SLC9A9: variants seen among roughly 807,000 people sequenced by gnomAD.
SLC9A9 encodes sodium/hydrogen exchanger 9.
In SLC9A9, 62 loss-of-function variants were observed where a neutral mutation model predicts 77.8. The observed-to-expected ratio is 0.80, with a 90% confidence interval of 0.65 to 0.98. SLC9A9 has a LOEUF of 0.98. Among genes scored for constraint, SLC9A9 ranks in the 50% least tolerant of loss-of-function variants. SLC9A9 has a pLI of 0.00. For synonymous variants in SLC9A9, 320 were observed against 283.5 expected, an observed-to-expected ratio of 1.13 and a Z score of -1.29; for missense variants, 775 against 774.9, an observed-to-expected ratio of 1.00 and a Z score of 0.00.
At chr3:143,510,781 T>G (rs2036103510) in intron 9 of SLC9A9, among the ~76,000 whole-genome samples, 1 of 152,188 alleles carries the variant, frequency 6.6e-6, no homozygotes, top group African/African-American at 2.4e-5. Context: ...TGTTTTGGCC[T>G]GTGAGTCACA....
chr3:143,587,564 C>T (rs1021192525), intron 6 of SLC9A9, among the ~76,000 whole-genome samples: 1 of 150,646 alleles, frequency 6.6e-6, no homozygotes, highest in Non-Finnish European at 1.5e-5. Flanking sequence ...TGGTGGGAGT[C>T]AGGCTGGAGT....
At chr3:143,512,747 G>C (rs1213584255) in intron 9 of SLC9A9, among the ~76,000 whole-genome samples, 1 of 152,212 alleles carries the variant, frequency 6.6e-6, no homozygotes. Context: ...GTGGTGGTGG[G>C]TGCCTGTAAG....
At chr3:143,770,040 CA>C (rs1406302080) in intron 4 of SLC9A9, among the ~76,000 whole-genome samples, 2 of 152,072 alleles carry the variant, frequency 1.3e-5, no homozygotes, top group African/African-American at 2.4e-5. Context: ...CTTTATCATT[CA>C]TAATAAATTG....
rs1440574795 is a variant in SLC9A9 at position 143,272,949 on chromosome 3, A to G, written c.1605-3969T>C. Among the ~76,000 whole-genome samples, 5 of 152,362 alleles carry G rather than the reference A, an allele frequency of 3.3e-5. No individual in the cohort carries two copies. In the South Asian group the frequency reaches 1.0e-3, roughly 32 times the overall value. On this transcript the variant is annotated intron_variant, in intron 14 of 15. Coordinates refer to ENST00000316549, the MANE Select transcript of SLC9A9 (RefSeq NM_173653.4). ...CTACCCAGAATTTAACTTGCGTGAA[A>G]TAGGAAAGACAGTTAGCAAGTGCAT...
At chr3:143,725,457 T>C (rs1439172739) in intron 4 of SLC9A9, among the ~76,000 whole-genome samples, 2 of 151,958 alleles carry the variant, frequency 1.3e-5, no homozygotes, top group South Asian at 2.1e-4. Flanking sequence ...TGCGGCACTA[T>C]TCACAATAGC....
At chr3:143,309,473 G>A (rs540076608) in intron 14 of SLC9A9, among the ~76,000 whole-genome samples, 1 of 148,712 alleles carries the variant, frequency 6.7e-6, no homozygotes, top group East Asian at 2.0e-4. Flanking sequence ...TTCCAAGTAT[G>A]TCTCCATTTT....
chr3:143,681,176 A>G (rs186215010), intron 5 of SLC9A9, among the ~76,000 whole-genome samples: 6 of 152,210 alleles, frequency 3.9e-5, no homozygotes, highest in Admixed American at 6.5e-5. Context: ...TTCTTCTACA[A>G]ATAAACTTTG....
In SLC9A9 at chr3:143,266,819, C is replaced by T. The variant is rs574784348; in HGVS notation, c.1821G>A (p.Leu607=). 2 of 1,614,158 alleles carry T rather than the reference C, an allele frequency of 1.2e-6. No individual in the cohort carries two copies. The highest frequency in any genetic ancestry group is 4.5e-5 in the East Asian group (2 of 44,878). ...SPCSPPARLG[L]DQKASPQTPG... ...GCGTCTGGGGTGAAGCTTTCTGGTC[C>T]AGACCTAGCCTTGCAGGAGGACTGC... Residue 607 remains leucine, a synonymous_variant, in exon 16 of 16, where the codon CTG becomes CTA. Coordinates refer to ENST00000316549, the MANE Select transcript of SLC9A9 (RefSeq NM_173653.4).
rs539363591 is a variant in SLC9A9 at position 143,498,587 on chromosome 3, A to T, written c.1090-3139T>A. On this transcript the variant is annotated intron_variant, in intron 9 of 15. Coordinates refer to ENST00000316549, the MANE Select transcript of SLC9A9 (RefSeq NM_173653.4). ...AAATAAATAAGAAAGAATGAAAGAA[A>T]GAGAGAAGGAAAGAAAAAAAAGAAA... is the stretch of plus-strand genomic sequence containing the variant. Among the ~76,000 whole-genome samples the T allele has an allele frequency of 3.9e-5, 6 of 152,172 alleles. No individual in the cohort carries two copies. The South Asian group carries it at 1.2e-3, about 32-fold the overall frequency.
At chr3:143,688,049 C>T (rs1323503154) in intron 5 of SLC9A9, among the ~76,000 whole-genome samples, 1 of 151,284 alleles carries the variant, frequency 6.6e-6, no homozygotes, top group Admixed American at 6.6e-5. Flanking sequence ...TTCCTTCCTT[C>T]CTTCCTTCTT....
chr3:143,406,632 C>A (rs1292687263), intron 12 of SLC9A9, among the ~76,000 whole-genome samples: 1 of 152,104 alleles, frequency 6.6e-6, no homozygotes, highest in Non-Finnish European at 1.5e-5. Context: ...GCTATTTCTT[C>A]ATTCTAGGAA....
chr3:143,390,672 G>C (rs1199246554), intron 12 of SLC9A9, among the ~76,000 whole-genome samples: 1 of 152,238 alleles, frequency 6.6e-6, no homozygotes, highest in African/African-American at 2.4e-5. Flanking sequence ...CCCGGGAAGT[G>C]CAAGGGGTCA....
intron 9 of SLC9A9, among the ~76,000 whole-genome samples, chr3:143,540,401 C>T (rs1345090460): frequency 6.6e-6 from 1 of 152,048 alleles, no homozygotes; most frequent in Non-Finnish European, 1.5e-5. Context: ...CCTATTAAGG[C>T]CCTCTCAGGG....
intron 14 of SLC9A9, among the ~76,000 whole-genome samples, chr3:143,299,675 C>T (rs2030434826): frequency 1.3e-5 from 2 of 152,182 alleles, no homozygotes; most frequent in African/African-American, 4.8e-5. Context: ...GATCTCCTGA[C>T]CTCTTGATCC....
At chr3:143,715,625 C>A (rs1223107874) in intron 4 of SLC9A9, among the ~76,000 whole-genome samples, 3 of 152,172 alleles carry the variant, frequency 2.0e-5, no homozygotes, top group Admixed American at 2.0e-4. Context: ...CTCCAGATCC[C>A]TGGATCATGG....
chr3:143,507,486 C>T (rs530359308), intron 9 of SLC9A9, among the ~76,000 whole-genome samples: 4 of 152,302 alleles, frequency 2.6e-5, no homozygotes, highest in East Asian at 3.9e-4. Flanking sequence ...GGATTACAGG[C>T]GTGAGCCACT....
chr3:143,583,382 G>A (rs1015278703), intron 6 of SLC9A9, among the ~76,000 whole-genome samples: 1 of 152,120 alleles, frequency 6.6e-6, no homozygotes, highest in Non-Finnish European at 1.5e-5. Context: ...CATGAATAAG[G>A]ATCATTTTGC....
chr3:143,477,061 A>G (rs2035489396), intron 11 of SLC9A9, among the ~76,000 whole-genome samples: 1 of 152,210 alleles, frequency 6.6e-6, no homozygotes, highest in Non-Finnish European at 1.5e-5. Context: ...ATGGCTATCT[A>G]TCCACCAAAA....
intron 9 of SLC9A9, among the ~76,000 whole-genome samples, chr3:143,522,439 C>T (rs772159227): frequency 4.6e-5 from 7 of 152,056 alleles, no homozygotes; most frequent in Non-Finnish European, 7.4e-5. Flanking sequence ...CTAATATGGC[C>T]ACCACAACTT....
Sources: gnomAD v4.1 joint callset for allele counts (sites outside exome capture counted in the v4.1 genomes callset) on GRCh38, gnomAD v4.1.1 for gene constraint, MANE v1.5 for transcripts, NCBI Gene and HGNC (gene_info 2026-07-23, HGNC 2026-07-21) for gene names.